Variants in MAP3K9 observed in about 807,000 individuals in gnomAD.
The protein encoded by MAP3K9 is mitogen-activated protein kinase kinase kinase 9.
A neutral mutation model predicts 95.8 loss-of-function variants in MAP3K9; 46 were observed. The observed-to-expected ratio is 0.48, with a 90% CI of 0.38 to 0.61. MAP3K9 has a LOEUF of 0.61. MAP3K9 is among the 20% of genes least tolerant of loss of function. The pLI, the probability that MAP3K9 is intolerant of heterozygous loss-of-function variation, is 0.00. For synonymous variants in MAP3K9, 533 were observed against 593.8 expected, an observed-to-expected ratio of 0.90 and a Z score of 1.49; for missense variants, 1,296 against 1,474.3, an observed-to-expected ratio of 0.88 and a Z score of 1.98.
chr14:70,773,305 CAGA>C (rs1354574534), intron 2 of MAP3K9, among the ~76,000 whole-genome samples: 1 of 152,168 alleles, frequency 6.6e-6, no homozygotes, highest in Non-Finnish European at 1.5e-5. Context: ...AGGGTTAAAG[CAGA>C]AGGACAGAGT....
Position 70,807,267 on chromosome 14 carries a change from G to A in MAP3K9, c.406+1499C>T, listed in dbSNP as rs564178037. On this transcript the variant is annotated intron_variant, in intron 1 of 11. Transcript: ENST00000554752. ...ACACTTTGGAAGGCCGAGGCGTGCG[G>A]ATCACTTGAGGTCAGGAGTTCGAGA... 1.8e-3 allele frequency among the ~76,000 whole-genome samples: 281 copies of A among 152,334 alleles called. 1 individual carries two copies. The highest frequency in any genetic ancestry group is 6.5e-3 in the African/African-American group (272 of 41,572).
rs368928316 is a variant in MAP3K9 at position 70,733,006 on chromosome 14, C to T, written c.2363G>A (p.Arg788Gln). ...LPLEEPEPPA[R>Q]EEKKRREGLF... Reference sequence around the variant, plus strand: ...ACCCTCCCGTCTTTTCTTCTCCTCCCGGGCTGGTGGCTCAGGCTCCTCCAG... The same window carrying T: ...ACCCTCCCGTCTTTTCTTCTCCTCCTGGGCTGGTGGCTCAGGCTCCTCCAG... The change falls in exon 11 of 12, where the codon CGG (arginine) becomes CAG (glutamine). Residue 788 changes from arginine to glutamine, a missense_variant. Transcript: ENST00000554752. 70 of 1,614,042 alleles carry T rather than the reference C, an allele frequency of 4.3e-5. No individual in the cohort carries two copies. Among genetic ancestry groups the T allele is most frequent in the Middle Eastern group, 1.6e-4 (1 of 6,082 alleles).
intron 6 of MAP3K9, 30 bp from the exon 7 acceptor site, chr14:70,740,194 C>A (rs898534818): frequency 2.5e-6 from 4 of 1,594,064 alleles, no homozygotes; most frequent in Non-Finnish European, 3.4e-6. Context: ...CACGTGTATG[C>A]ATTAACATTT....
rs1594759652 is a variant in MAP3K9, at chr14:70,730,374, T to C, written c.*6A>G. ...GTCCCCCTTGCCCGCCCCAATCCTT[T>C]TCGTGCTAAGACCAGAACTCCTGCT... is the stretch of plus-strand genomic sequence containing the variant. On this transcript the variant is annotated 3_prime_UTR_variant, in exon 12 of 12. Transcript: ENST00000554752. The C allele has an allele frequency of 1.3e-6, 2 of 1,596,482 alleles. No homozygotes were observed. Among genetic ancestry groups the C allele is most frequent in the East Asian group, 4.5e-5 (2 of 44,372 alleles).
rs34057307 is a variant in MAP3K9, at chr14:70,724,540, C to CAAAAAAAAA, written c.*5831_*5839dup. The CAAAAAAAAA allele has an allele frequency of 6.8e-6, 1 of 147,462 alleles. No homozygotes were observed. The highest frequency in any genetic ancestry group is 2.5e-5 in the African/African-American group (1 of 39,740). 9.1% of individuals were successfully genotyped at this position (147,462 alleles called of 1,614,324 possible). A position where few individuals can be genotyped will look rare whatever the true frequency, so the allele number is the denominator to read the frequency against. ...CTTGGGTTAAAATTTAAAGGGGTGC[C>CAAAAAAAAA]AAAAAAAAAAGAGCCTCAGTAATCA... On this transcript the variant is annotated 3_prime_UTR_variant, in exon 12 of 12. Transcript: ENST00000554752.
Position 70,797,678 on chromosome 14 carries a change from CA to C in MAP3K9, c.820+2988del, listed in dbSNP as rs563190768. Among the ~76,000 whole-genome samples, 19 of 152,204 alleles carry C rather than the reference CA, an allele frequency of 1.2e-4. No homozygotes were observed. The South Asian group carries it at 3.5e-3, about 28-fold the overall frequency. On this transcript the variant is annotated intron_variant, in intron 2 of 11. Coordinates refer to ENST00000554752, the MANE Select transcript of MAP3K9 (RefSeq NM_001284230.2). ...ACTTGAACCTGGGAGGCGGCGGTTG[CA>C]AAGATCACACCACTGCACTCCAGCC...
At chr14:70,774,250 C>T (rs1449150025) in intron 2 of MAP3K9, among the ~76,000 whole-genome samples, 1 of 152,210 alleles carries the variant, frequency 6.6e-6, no homozygotes, top group Non-Finnish European at 1.5e-5. Context: ...CTCAAGATCA[C>T]CAGCCAGGAG....
chr14:70,732,473 C>T (rs968602116), intron 11 of MAP3K9, 66 bp downstream of exon 11: 2 of 1,491,910 alleles, frequency 1.3e-6, no homozygotes, highest in Non-Finnish European at 1.8e-6. Context: ...AAAATGAGGC[C>T]TGCAAACATC....
At chr14:70,762,299 T>C (rs143325345) in intron 2 of MAP3K9, among the ~76,000 whole-genome samples, 522 of 152,328 alleles carry the variant, frequency 3.4e-3, no homozygotes, top group Admixed American at 5.1e-3. Context: ...TGTTTATCTT[T>C]TGAAGGAACC....
intron 2 of MAP3K9, among the ~76,000 whole-genome samples, chr14:70,769,679 T>C (rs1484563402): frequency 6.6e-6 from 1 of 152,214 alleles, no homozygotes; most frequent in Admixed American, 6.5e-5. Context: ...TAGTGTCCCT[T>C]GGCTCGTAGC....
intron 9 of MAP3K9, 68 bp from the exon 10 acceptor site, chr14:70,734,566 G>A: frequency 1.2e-6 from 1 of 854,676 alleles, no homozygotes; most frequent in Non-Finnish European, 1.9e-6. Context: ...CAGCTCCATG[G>A]GTCTATGGAG....
intron 1 of MAP3K9, among the ~76,000 whole-genome samples, chr14:70,802,949 C>T (rs1011255378): frequency 1.3e-5 from 2 of 152,066 alleles, no homozygotes; most frequent in South Asian, 2.1e-4. Flanking sequence ...GCGGTGGGGC[C>T]TGGTGGGAGG....
Position 70,730,514 on chromosome 14 carries a change from G to A in MAP3K9, c.3181C>T (p.Pro1061Ser). 6.2e-7 allele frequency: 1 copy of A among 1,613,980 alleles called. No homozygotes were observed. The highest frequency in any genetic ancestry group is 1.7e-5 in the Admixed American group (1 of 60,030). The change falls in exon 12 of 12, where the codon CCC becomes TCC. Residue 1061 changes from proline to serine, a missense_variant. Physicochemically the swap from Pro to Ser is moderately conservative, Grantham distance 74. Transcript: ENST00000554752. ...TCCAGGAGCGTCCGCTCAGTCGGGGGCAGCGGCCCTGCCTGGAACGGGAGC... is the reference window on the plus strand; with the variant it reads ...TCCAGGAGCGTCCGCTCAGTCGGGGACAGCGGCCCTGCCTGGAACGGGAGC... ...ALLPFQAGPL[P>S]PTERTLLDLD... is the part of the protein sequence containing the mutation.
Position 70,742,483 on chromosome 14 carries a change from T to A in MAP3K9, c.1435A>T (p.Ile479Phe). The change falls in exon 6 of 12, where the codon ATC becomes TTC. Residue 479 changes from isoleucine to phenylalanine, a missense_variant. By Grantham distance (21) the Ile-to-Phe change is conservative (BLOSUM62 0). Coordinates refer to ENST00000554752, the MANE Select transcript of MAP3K9 (RefSeq NM_001284230.2). ...EQELAEREID[I>F]LERELNIIIH... The stretch of plus-strand genomic sequence containing the variant: ...ATGATGTTGAGCTCCCGTTCCAGGA[T>A]GTCAATCTCCCGCTCGGCCAGCTCC... 1 of 1,614,222 alleles carries A rather than the reference T, an allele frequency of 6.2e-7. No individual in the cohort carries two copies. Among genetic ancestry groups the A allele is most frequent in the Non-Finnish European group, 8.5e-7 (1 of 1,180,034 alleles).
chr14:70,761,538 G>C (rs997307277), intron 2 of MAP3K9, among the ~76,000 whole-genome samples: 4 of 152,162 alleles, frequency 2.6e-5, no homozygotes, highest in African/African-American at 9.7e-5. Flanking sequence ...CGAGACGGGT[G>C]GATCACCTGA....
intron 2 of MAP3K9, among the ~76,000 whole-genome samples, chr14:70,789,519 C>T (rs2054784091): frequency 1.3e-5 from 2 of 152,236 alleles, no homozygotes. Flanking sequence ...CATCTTAAAA[C>T]AGTACTGCTC....
chr14:70,753,352 A>T (rs889475009), intron 3 of MAP3K9, among the ~76,000 whole-genome samples: 1 of 152,194 alleles, frequency 6.6e-6, no homozygotes, highest in Non-Finnish European at 1.5e-5. Flanking sequence ...TTCAGAGAAG[A>T]AGTCTTTCTG....
rs567530839 is a variant in MAP3K9, at chr14:70,744,289, T to A, written c.1327-1698A>T. ...AGCTAACCACCATGGCACGTGTATG[T>A]AACAAAACTGCACATTCTGCATATG... On this transcript the variant is annotated intron_variant, in intron 5 of 11. Coordinates refer to ENST00000554752, the MANE Select transcript of MAP3K9 (RefSeq NM_001284230.2). 3.3e-5 allele frequency among the ~76,000 whole-genome samples: 5 copies of A among 152,118 alleles called. No individual in the cohort carries two copies. The East Asian group carries it at 9.7e-4, about 29-fold the overall frequency.
At chr14:70,749,802 G>GGAAT in intron 4 of MAP3K9, 131 bp downstream of exon 4, 1 of 1,087,830 alleles carries the variant, frequency 9.2e-7, no homozygotes, top group South Asian at 1.6e-5. Flanking sequence ...GTTGCCCAGA[G>GGAAT]GATTCCTCCT....
Sources: gnomAD v4.1 joint callset for allele counts (sites outside exome capture counted in the v4.1 genomes callset) on GRCh38, gnomAD v4.1.1 for gene constraint, MANE v1.5 for transcripts, NCBI Gene and HGNC (gene_info 2026-07-23, HGNC 2026-07-21) for gene names.